The following SYNE2 variants were observed in gnomAD, a reference collection of about 807,000 sequenced individuals.
SYNE2 encodes the protein nesprin-2.
Under a neutral mutation model 856.3 loss-of-function variants are expected in SYNE2, and 431 were observed. The ratio of observed to expected loss-of-function variants is 0.50; its 90% confidence interval spans 0.47 to 0.55. The LOEUF (loss-of-function observed/expected upper bound fraction) is 0.55. SYNE2 is among the 20% of genes least tolerant of loss of function. The probability of loss-of-function intolerance (pLI) is 0.00; values close to 1 mark genes in which losing one functional copy is unlikely to be tolerated. For missense variants in SYNE2, 8,129 were observed against 8,023.2 expected (o/e 1.01, Z -0.50); for synonymous variants, 2,923 against 2,872.3 (o/e 1.02, Z -0.56).
intron 26 of SYNE2, among the ~76,000 whole-genome samples, chr14:63,998,710 C>T (rs1375924287): frequency 6.6e-6 from 1 of 152,034 alleles, no homozygotes; most frequent in Non-Finnish European, 1.5e-5. Context: ...TATAGACACC[C>T]GCCACCATGC....
chr14:64,216,099 C>A, intron 107 of SYNE2, 149 bp from the exon 108 acceptor site: 1 of 1,532,134 alleles, frequency 6.5e-7, no homozygotes, highest in Non-Finnish European at 8.7e-7. Context: ...TCATCTCATT[C>A]TCTTCTGGGA....
chr14:63,775,692 C>T (rs952830609), intron 1 of SYNE2, among the ~76,000 whole-genome samples: 11 of 151,982 alleles, frequency 7.2e-5, no homozygotes, highest in African/African-American at 2.7e-4. Flanking sequence ...GTGATCCTCC[C>T]GCCTCAGCCT....
In SYNE2 at chr14:63,762,435, C is replaced by CAAAAA. The variant is rs71120281; in HGVS notation, c.-305+463_-305+467dup. On this transcript the variant is annotated intron_variant, in intron 1 of 23. Transcript: ENST00000674003. ...GGGCAACAGGAGTGAAACTCCATCT[C>CAAAAA]AAAAAAAAAAAAAAAAAAGTTTATT... Among the ~76,000 whole-genome samples the CAAAAA allele has an allele frequency of 5.8e-3, 372 of 64,132 alleles. 7 individuals carry two copies. The highest frequency in any genetic ancestry group is 0.019 in the African/African-American group (354 of 18,900). The allele number at this position is 64,132 out of a possible 152,430, so 42.1% of individuals were successfully genotyped here. A position where few individuals can be genotyped will look rare whatever the true frequency, so the allele number is the denominator to read the frequency against.
chr14:64,184,358 G>GTGTGTGTGTGTGTGTGTA (rs989630777), intron 96 of SYNE2, among the ~76,000 whole-genome samples: 5 of 150,724 alleles, frequency 3.3e-5, no homozygotes, highest in African/African-American at 1.2e-4. Flanking sequence ...GTGTGTGTGT[G>GTGTGTGTGTGTGTGTGTA]TGTGTATGTG....
intron 57 of SYNE2, 200 bp from the exon 58 acceptor site, chr14:64,087,471 A>G (rs1475844012): frequency 1.3e-6 from 1 of 741,578 alleles, no homozygotes; most frequent in Non-Finnish European, 2.5e-6. Flanking sequence ...GTTTCTTATT[A>G]TGTTACAGTT....
At chr14:64,182,880 G>C (rs1397331678) in intron 96 of SYNE2, among the ~76,000 whole-genome samples, 1 of 152,214 alleles carries the variant, frequency 6.6e-6, no homozygotes, top group Non-Finnish European at 1.5e-5. Flanking sequence ...ATCATGGCCC[G>C]TTCTTAATGA....
Position 64,226,156 on chromosome 14 carries a change from CTGTA to C in SYNE2, c.*633_*636del, listed in dbSNP as rs1276153637. ...TGCATATTTTTTAACAATGCCCAAT[CTGTA>C]TGAATAATGTAAACTTCGATTTTTT... On this transcript the variant is annotated 3_prime_UTR_variant, in exon 116 of 116. Coordinates refer to ENST00000555002, the MANE Select transcript of SYNE2 (RefSeq NM_182914.3). 1.3e-5 allele frequency: 2 copies of C among 153,334 alleles called. No individual in the cohort carries two copies. Among genetic ancestry groups the C allele is most frequent in the African/African-American group, 4.8e-5 (2 of 41,400 alleles). 9.5% of individuals were successfully genotyped at this position (153,334 alleles called of 1,614,324 possible). A position where few individuals can be genotyped will look rare whatever the true frequency, so the allele number is the denominator to read the frequency against.
chr14:64,190,353 T>G, intron 99 of SYNE2, 116 bp downstream of exon 99: 1 of 1,364,492 alleles, frequency 7.3e-7, no homozygotes, highest in Non-Finnish European at 1.0e-6. Flanking sequence ...GTTTACAGAT[T>G]AAGGCAAAGT....
Position 63,948,780 on chromosome 14 carries a change from GTGTATATATATATA to G in SYNE2, c.409-1043_409-1030del, listed in dbSNP as rs1421511922. Among the ~76,000 whole-genome samples the G allele has an allele frequency of 3.7e-4, 30 of 81,992 alleles. 1 individual carries two copies. Among genetic ancestry groups the G allele is most frequent in the African/African-American group, 6.5e-4 (13 of 20,080 alleles). The allele number at this position is 81,992 out of a possible 152,430, so 53.8% of individuals were successfully genotyped here. ...TATATGTATATATATGTATGTGTGT[GTGTATATATATATA>G]TATATATATATATATATATATATAT... On this transcript the variant is annotated intron_variant, in intron 6 of 115. Coordinates refer to ENST00000555002, the MANE Select transcript of SYNE2 (RefSeq NM_182914.3).
chr14:63,836,261 C>T (rs1326808895), intron 1 of SYNE2, among the ~76,000 whole-genome samples: 1 of 152,078 alleles, frequency 6.6e-6, no homozygotes, highest in East Asian at 1.9e-4. Context: ...TGGGCTCATG[C>T]AATCTGCCCA....
chr14:64,172,774 A>G (rs959141419), intron 94 of SYNE2, among the ~76,000 whole-genome samples: 2 of 152,096 alleles, frequency 1.3e-5, no homozygotes, highest in African/African-American at 4.8e-5. Flanking sequence ...TCTACAAAAA[A>G]ATTCAAAATT....
chr14:64,103,161 T>C (rs1001758496), intron 64 of SYNE2, among the ~76,000 whole-genome samples: 2 of 152,172 alleles, frequency 1.3e-5, no homozygotes, highest in Admixed American at 6.5e-5. Context: ...ACCTGCTTGG[T>C]TCTATTTCTA....
At chr14:63,912,069 C>T (rs1308512858) in intron 2 of SYNE2, among the ~76,000 whole-genome samples, 1 of 152,170 alleles carries the variant, frequency 6.6e-6, no homozygotes, top group East Asian at 1.9e-4. Flanking sequence ...ACTATAATGT[C>T]AAGGTGACGC....
chr14:63,940,724 C>T lies in SYNE2; in HGVS notation c.141+49C>T, dbSNP rs377574845. ...GTTTATAAATCTATTTATTACTCCC[C>T]CTACTCCTTCTGTTTTGACCCCAAG... On this transcript the variant is annotated intron_variant, in intron 3 of 115. Transcript: ENST00000555002. The T allele has an allele frequency of 8.4e-5, 130 of 1,548,666 alleles. 1 individual carries two copies. The African/African-American group carries it at 1.3e-3, about 15-fold the overall frequency.
chr14:63,903,059 C>A (rs2095360067), intron 1 of SYNE2, among the ~76,000 whole-genome samples: 1 of 152,064 alleles, frequency 6.6e-6, no homozygotes, highest in Admixed American at 6.5e-5. Flanking sequence ...TGGAACTTTT[C>A]TTTTCTACTC....
At chr14:64,073,674 C>T (rs575823619) in intron 52 of SYNE2, among the ~76,000 whole-genome samples, 86 of 152,176 alleles carry the variant, frequency 5.7e-4, no homozygotes, top group Non-Finnish European at 1.1e-3. Context: ...CATGTGAGCT[C>T]AAGGATTACG....
Position 63,810,015 on chromosome 14 carries a change from G to C in SYNE2, c.-304-42486G>C, listed in dbSNP as rs993942242. Among the ~76,000 whole-genome samples, 3 of 151,946 alleles carry C rather than the reference G, an allele frequency of 2.0e-5. No individual in the cohort carries two copies. In the South Asian group the frequency reaches 6.2e-4, roughly 32 times the overall value. On this transcript the variant is annotated intron_variant, in intron 1 of 23. Coordinates refer to the SYNE2 transcript ENST00000674003. Reference sequence around the variant, plus strand: ...AGGCAGGAGGATATCTTAAGGCCAGGGTTCAAAATCAGCCTGGGCAACTTA... The same window carrying C: ...AGGCAGGAGGATATCTTAAGGCCAGCGTTCAAAATCAGCCTGGGCAACTTA...
At chr14:64,180,326 G>C (rs2098452235) in intron 96 of SYNE2, among the ~76,000 whole-genome samples, 1 of 152,184 alleles carries the variant, frequency 6.6e-6, no homozygotes, top group Non-Finnish European at 1.5e-5. Flanking sequence ...TTGATCTTCC[G>C]TAACTTTGAG....
chr14:63,902,407 CAAAAAAAAAAA>C (rs10533353), intron 1 of SYNE2, among the ~76,000 whole-genome samples: 3 of 74,644 alleles, frequency 4.0e-5, no homozygotes, highest in African/African-American at 5.9e-5. Context: ...CGAGACTCCT[CAAAAAAAAAAA>C]AAAAAAAAAA....
Sources: allele counts gnomAD v4.1 joint callset (sites outside exome capture counted in the v4.1 genomes callset), GRCh38; gene constraint gnomAD v4.1.1; transcripts MANE v1.5; gene names NCBI Gene and HGNC (gene_info 2026-07-23, HGNC 2026-07-21).